The following PCF11 variants were observed in gnomAD, a reference collection of about 807,000 sequenced individuals.
The protein encoded by PCF11 is pre-mRNA cleavage complex 2 protein Pcf11.
A neutral mutation model predicts 166.1 loss-of-function variants in PCF11; 19 were observed. The ratio of observed to expected loss-of-function variants is 0.11; its 90% CI spans 0.08 to 0.17. The LOEUF is 0.17. Among genes scored for constraint, PCF11 ranks in the 10% least tolerant of loss-of-function variants. The probability of loss-of-function intolerance (pLI) is 1.00; values close to 1 mark genes in which losing one functional copy is unlikely to be tolerated. For synonymous variants in PCF11, 663 were observed against 644.1 expected, an observed-to-expected ratio of 1.03 and a Z score of -0.44; for missense variants, 1,565 against 1,855.5, an observed-to-expected ratio of 0.84 and a Z score of 2.88.
chr11:83,169,266 T>G (rs1449249355), exon 8 of PCF11: 1 of 1,611,910 alleles, frequency 6.2e-7, no homozygotes, highest in Non-Finnish European at 8.5e-7. Context: ...ATCAACTTGG[T>G]GGGAACCTTA....
rs775862644 is a variant in PCF11 at position 83,167,318 on chromosome 11, A to G, written c.2001+10A>G. On this transcript the variant is annotated intron_variant, in intron 6 of 15. Transcript: ENST00000298281. The surrounding 1 kb of genome is among the most constrained non-coding windows in gnomAD (Gnocchi z 4.2). The stretch of plus-strand genomic sequence containing the variant: ...AGAATTACTTCAAAAGGTAGTTACT[A>G]TGATTAATCCCATGTAGTCATCATT... 17 of 1,609,040 alleles carry G rather than the reference A, an allele frequency of 1.1e-5. No homozygotes were observed. The highest frequency in any genetic ancestry group is 3.3e-5 in the Admixed American group (2 of 59,886).
chr11:83,168,576 A>T (rs1167368311), exon 8 of PCF11: 1 of 1,614,034 alleles, frequency 6.2e-7, no homozygotes, highest in East Asian at 2.2e-5. Flanking sequence ...CTTTAGCTGA[A>T]GACAGACCGT....
intron 9 of PCF11, 144 bp from the exon 10 acceptor site, chr11:83,176,939 CTT>C: frequency 4.2e-6 from 2 of 471,208 alleles, no homozygotes; most frequent in Non-Finnish European, 3.6e-6. Context: ...TGAAATTAAA[CTT>C]ATTAATAAAT....
At chr11:83,165,309 G>C (rs188118605) in intron 4 of PCF11, among the ~76,000 whole-genome samples, 1 of 152,254 alleles carries the variant, frequency 6.6e-6, no homozygotes, top group Admixed American at 6.5e-5. Flanking sequence ...CTTAGGAGCA[G>C]TATGGCTCAG....
In PCF11 at chr11:83,157,807, G is replaced by A. The variant is rs770225332; in HGVS notation, c.192+176G>A. On this transcript the variant is annotated intron_variant, in intron 1 of 15. Transcript: ENST00000298281. ...CCAGGCTTCGAGCATGGGCCTCTGG[G>A]GGGGAGGGAGTGGGGAGGATAAAGG... The A allele has an allele frequency of 1.8e-5, 11 of 619,704 alleles. 1 individual carries two copies. The highest frequency in any genetic ancestry group is 5.8e-5 in the South Asian group (3 of 51,390). 38.4% of individuals were successfully genotyped at this position (619,704 alleles called of 1,614,324 possible).
In PCF11 at chr11:83,173,719, C is replaced by CTTTTT. The variant is rs869126679; in HGVS notation, c.3757+1829_3757+1833dup. On this transcript the variant is annotated intron_variant, in intron 9 of 15. Transcript: ENST00000298281. Reference sequence around the variant, plus strand: ...AATTTTCTTGTTTCTTTCTTTCTTTCTTTTTTTTTTTTTTTTTTTTTTTTT... The same window carrying CTTTTT: ...AATTTTCTTGTTTCTTTCTTTCTTTCTTTTTTTTTTTTTTTTTTTTTTTTTTTTTT... 1.6e-3 allele frequency among the ~76,000 whole-genome samples: 93 copies of CTTTTT among 59,080 alleles called. 1 individual carries two copies. Among genetic ancestry groups the CTTTTT allele is most frequent in the Non-Finnish European group, 2.0e-3 (67 of 32,818 alleles). 38.8% of individuals were successfully genotyped at this position (59,080 alleles called of 152,430 possible). A position where few individuals can be genotyped will look rare whatever the true frequency, so the allele number is the denominator to read the frequency against.
Position 83,171,357 on chromosome 11 carries a change from A to G in PCF11, c.3661-461A>G, listed in dbSNP as rs761545795. On this transcript the variant is annotated intron_variant, in intron 8 of 15. Coordinates refer to ENST00000298281, the Ensembl canonical transcript of PCF11. ...TATCTGTGGAAAAGTGGCAAGGGTT[A>G]GGAGTTCTGGCCTCAGTTTTGCTCC... 8.3e-5 allele frequency: 37 copies of G among 445,686 alleles called. 1 individual carries two copies. In the Middle Eastern group the frequency reaches 2.6e-3, roughly 32 times the overall value. 27.6% of individuals were successfully genotyped at this position (445,686 alleles called of 1,614,324 possible).
At chr11:83,170,843 A>T (rs1375291274) in intron 8 of PCF11, among the ~76,000 whole-genome samples, 1 of 152,236 alleles carries the variant, frequency 6.6e-6, no homozygotes, top group Non-Finnish European at 1.5e-5. Context: ...TTAAAAGTAC[A>T]TTAGGAACAT....
At chr11:83,186,675 G>C (rs1193745157) in exon 16 of PCF11, 2 of 152,182 alleles carry the variant, frequency 1.3e-5, no homozygotes, top group African/African-American at 4.8e-5. Context: ...TAAGAATCAA[G>C]TGAATACAAT....
intron 1 of PCF11, among the ~76,000 whole-genome samples, chr11:83,159,501 T>C (rs954438214): frequency 3.3e-5 from 5 of 152,164 alleles, no homozygotes; most frequent in Admixed American, 6.5e-5. Context: ...AACCGAAAAC[T>C]AAATGCTGAA....
intron 2 of PCF11, among the ~76,000 whole-genome samples, chr11:83,163,438 G>A (rs565859628): frequency 2.0e-5 from 3 of 152,080 alleles, no homozygotes; most frequent in Admixed American, 1.3e-4. Context: ...ATGTGGAAAC[G>A]TTTTGTATAT....
chr11:83,161,393 G>C (rs1860247046), exon 2 of PCF11: 1 of 1,603,424 alleles, frequency 6.2e-7, no homozygotes, highest in Non-Finnish European at 8.5e-7. Flanking sequence ...CGTTGGAAGA[G>C]AGTATCTCAC....
intron 15 of PCF11, among the ~76,000 whole-genome samples, chr11:83,183,547 A>G (rs975770791): frequency 9.2e-5 from 14 of 151,934 alleles, no homozygotes; most frequent in Non-Finnish European, 1.2e-4. Context: ...CTGGAGTGCA[A>G]TGGCGCAATC....
chr11:83,187,129 C>T (rs891368489), exon 16 of PCF11: 14 of 152,524 alleles, frequency 9.2e-5, no homozygotes, highest in African/African-American at 3.4e-4. Context: ...ACAATCTCGG[C>T]TCACTGCAAC....
chr11:83,164,186 A>G (rs1043748342), intron 3 of PCF11, 21 bp from the exon 4 acceptor site: 3 of 1,572,658 alleles, frequency 1.9e-6, no homozygotes. Flanking sequence ...TTTTTCTTAA[A>G]CAAATTGTCT....
exon 10 of PCF11, chr11:83,177,119 C>G (rs1860913555): frequency 6.4e-7 from 1 of 1,573,214 alleles, no homozygotes; most frequent in East Asian, 2.3e-5. Context: ...ATAATCATCT[C>G]AGTCAGGTGG....
At chr11:83,171,854 C>A (rs375748973) in exon 9 of PCF11, 2 of 1,606,234 alleles carry the variant, frequency 1.2e-6, no homozygotes, top group African/African-American at 1.3e-5. Context: ...AGCTTTTGGT[C>A]AAGGACAACA....
chr11:83,163,611 A>C (rs921658435), intron 2 of PCF11, 68 bp from the exon 3 acceptor site: 3 of 519,622 alleles, frequency 5.8e-6, no homozygotes, highest in Non-Finnish European at 9.4e-6. Context: ...GATTTATATA[A>C]CTTATATTTA....
chr11:83,157,304 C>T (rs1860026113), exon 1 of PCF11: 3 of 732,388 alleles, frequency 4.1e-6, no homozygotes, highest in African/African-American at 1.8e-5. Flanking sequence ...CCCCCATCCC[C>T]CCTCCGCGGT....
Sources: gnomAD v4.1 joint callset for allele counts (sites outside exome capture counted in the v4.1 genomes callset) on GRCh38, gnomAD v4.1.1 for gene constraint, Gnocchi (gnomAD v3.1) non-coding constraint, MANE v1.5 for transcripts, NCBI Gene and HGNC (gene_info 2026-07-23, HGNC 2026-07-21) for gene names.